Variants in MTHFD1L observed in about 807,000 individuals in gnomAD.
The protein encoded by MTHFD1L is monofunctional C1-tetrahydrofolate synthase, mitochondrial.
Under a neutral mutation model 119.5 loss-of-function variants are expected in MTHFD1L, and 81 were observed. That is an observed-to-expected ratio of 0.68 (90% CI 0.57 to 0.82). MTHFD1L has a LOEUF of 0.82. Ranked by LOEUF, MTHFD1L falls within the 40% of genes least tolerant of loss-of-function variation. The pLI, the probability that MTHFD1L is intolerant of heterozygous loss-of-function variation, is 0.00. For missense variants in MTHFD1L, 1,125 were observed against 1,253.4 expected (o/e 0.90, Z 1.55); for synonymous variants, 430 against 475.2 (o/e 0.90, Z 1.24).
At chr6:150,897,854 A>AT (rs200164250) in intron 7 of MTHFD1L, among the ~76,000 whole-genome samples, 307 of 152,056 alleles carry the variant, frequency 2.0e-3, no homozygotes, top group Middle Eastern at 0.01. Context: ...TAAAAAAAAA[A>AT]TTTTTTTGAG....
intron 20 of MTHFD1L, among the ~76,000 whole-genome samples, chr6:151,009,577 G>T (rs1449631732): frequency 1.3e-5 from 2 of 152,052 alleles, no homozygotes; most frequent in African/African-American, 4.8e-5. Flanking sequence ...GGGAAGAAAA[G>T]TCTTGGCCTG....
rs1346143465 is a variant in MTHFD1L, at chr6:150,944,555, G to A, written c.1510G>A (p.Asp504Asn). 3.1e-6 allele frequency: 5 copies of A among 1,613,890 alleles called. No homozygotes were observed. The highest frequency in any genetic ancestry group is 1.3e-5 in the African/African-American group (1 of 74,914). ...AANNLLAAAI[D>N]TRILHENTQT... ...CAATAACTTGCTGGCTGCCGCCATCGACACGAGGATTCTTCATGAAAACAC... is the reference window on the plus strand; with the variant it reads ...CAATAACTTGCTGGCTGCCGCCATCAACACGAGGATTCTTCATGAAAACAC... The change falls in exon 14 of 28, where the codon GAC becomes AAC. Residue 504 changes from aspartate to asparagine, a missense_variant. Physicochemically the swap from Asp to Asn is conservative, Grantham distance 23. Transcript: ENST00000367321.
intron 24 of MTHFD1L, among the ~76,000 whole-genome samples, chr6:151,028,125 C>T (rs1584212465): frequency 6.6e-6 from 1 of 152,040 alleles, no homozygotes; most frequent in Admixed American, 6.6e-5. Flanking sequence ...GAAGCAGGGC[C>T]GCCCAGTTGG....
chr6:151,038,412 G>C (rs926285566), intron 26 of MTHFD1L, among the ~76,000 whole-genome samples: 1 of 151,970 alleles, frequency 6.6e-6, no homozygotes, highest in Non-Finnish European at 1.5e-5. Context: ...AGTTGGATGA[G>C]GGGGGGTGGC....
intron 16 of MTHFD1L, among the ~76,000 whole-genome samples, chr6:150,955,495 G>GTTT (rs142879620): frequency 3.4e-5 from 4 of 117,116 alleles, no homozygotes; most frequent in African/African-American, 1.2e-4. Flanking sequence ...TGCTGGTTGG[G>GTTT]TTTTTTTTTT....
chr6:150,984,751 A>G (rs1778025619), intron 20 of MTHFD1L, among the ~76,000 whole-genome samples: 1 of 152,204 alleles, frequency 6.6e-6, no homozygotes, highest in Non-Finnish European at 1.5e-5. Flanking sequence ...AAAGATCAAC[A>G]TGGTACTAAT....
intron 17 of MTHFD1L, among the ~76,000 whole-genome samples, chr6:150,959,929 A>C (rs776417428): frequency 6.6e-6 from 1 of 152,234 alleles, no homozygotes; most frequent in Admixed American, 6.5e-5. Flanking sequence ...TGACCACACT[A>C]GACTGATAAT....
intron 6 of MTHFD1L, 83 bp from the exon 7 acceptor site, chr6:150,887,762 G>C (rs770268186): frequency 7.0e-7 from 1 of 1,428,030 alleles, no homozygotes; most frequent in Non-Finnish European, 9.3e-7. Flanking sequence ...CAGCCTAAAA[G>C]GGTCTTTTTT....
At chr6:151,002,492 G>A (rs574041267) in intron 20 of MTHFD1L, among the ~76,000 whole-genome samples, 2 of 152,242 alleles carry the variant, frequency 1.3e-5, no homozygotes, top group South Asian at 2.1e-4. Flanking sequence ...CACATTGAGC[G>A]GTAAGGCGGA....
chr6:150,973,387 G>A (rs1012090407), intron 20 of MTHFD1L, among the ~76,000 whole-genome samples: 17 of 152,152 alleles, frequency 1.1e-4, no homozygotes, highest in Admixed American at 4.6e-4. Context: ...TGCTCCTTCG[G>A]TAGCAAATCC....
At chr6:150,981,619 T>C (rs1431936478) in intron 20 of MTHFD1L, among the ~76,000 whole-genome samples, 1 of 152,246 alleles carries the variant, frequency 6.6e-6, no homozygotes, top group Non-Finnish European at 1.5e-5. Flanking sequence ...ACAGAGTCTC[T>C]GTCCCAAGTA....
intron 26 of MTHFD1L, among the ~76,000 whole-genome samples, chr6:151,079,799 T>A (rs1403698016): frequency 6.6e-6 from 1 of 150,942 alleles, no homozygotes; most frequent in Non-Finnish European, 1.5e-5. Context: ...ATGGGAACAG[T>A]CATGTTGCAT....
At chr6:150,993,429 T>A (rs985695713) in intron 20 of MTHFD1L, among the ~76,000 whole-genome samples, 11 of 152,062 alleles carry the variant, frequency 7.2e-5, no homozygotes, top group Admixed American at 2.6e-4. Context: ...CAAGCGATTC[T>A]TGTGCCTTAG....
rs189272085 is a variant in MTHFD1L at position 151,039,839 on chromosome 6, C to G, written c.2847+2722C>G. 6.6e-6 allele frequency among the ~76,000 whole-genome samples: 1 copy of G among 152,192 alleles called. No homozygotes were observed. Among genetic ancestry groups the G allele is most frequent in the East Asian group, 1.9e-4 (1 of 5,166 alleles). On this transcript the variant is annotated intron_variant, in intron 26 of 27. Coordinates refer to ENST00000367321, the MANE Select transcript of MTHFD1L (RefSeq NM_015440.5). The surrounding 1 kb of genome is among the most constrained non-coding windows in gnomAD (Gnocchi z 4.4). ...CTGAGGCAGGAGAATCGCTTGAACC[C>G]GGGAGGCAGAAGTTGCAGTAAGCCA...
intron 20 of MTHFD1L, among the ~76,000 whole-genome samples, chr6:150,987,543 C>T (rs1283699051): frequency 6.6e-6 from 1 of 152,160 alleles, no homozygotes; most frequent in East Asian, 1.9e-4. Flanking sequence ...CCAGAATTAC[C>T]CCCATCTTGC....
chr6:150,958,144 C>T (rs917962429), intron 17 of MTHFD1L, among the ~76,000 whole-genome samples: 18 of 152,068 alleles, frequency 1.2e-4, no homozygotes, highest in African/African-American at 4.1e-4. Context: ...TCTTGTGTTG[C>T]TTCGTGCATA....
At chr6:151,024,541 A>G (rs983654988) in intron 24 of MTHFD1L, among the ~76,000 whole-genome samples, 3 of 152,020 alleles carry the variant, frequency 2.0e-5, no homozygotes, top group Admixed American at 6.6e-5. Flanking sequence ...AAGCTCAAAA[A>G]AAAAAGGCCA....
chr6:150,971,270 C>T (rs1262148634), intron 19 of MTHFD1L, among the ~76,000 whole-genome samples: 1 of 152,090 alleles, frequency 6.6e-6, no homozygotes, highest in Admixed American at 6.5e-5. Flanking sequence ...GATCTCAGCT[C>T]ACTGCAACCT....
rs79641929 is a variant in MTHFD1L, at chr6:150,953,463, G to A, written c.1727-2532G>A. ...ACTATATCTCTGTACAGCTGGCTCG[G>A]GACTAGGCACAAGTAGCCCCTCAAT... On this transcript the variant is annotated intron_variant, in intron 16 of 27. Coordinates refer to ENST00000367321, the MANE Select transcript of MTHFD1L (RefSeq NM_015440.5). 9.0e-3 allele frequency among the ~76,000 whole-genome samples: 1,375 copies of A among 152,250 alleles called. 22 individuals carry two copies. The highest frequency in any genetic ancestry group is 0.031 in the African/African-American group (1,306 of 41,536).
Sources: allele counts gnomAD v4.1 joint callset (sites outside exome capture counted in the v4.1 genomes callset), GRCh38; gene constraint gnomAD v4.1.1; non-coding constraint Gnocchi (gnomAD v3.1); transcripts MANE v1.5; gene names NCBI Gene and HGNC (gene_info 2026-07-23, HGNC 2026-07-21).